The following ATRNL1 variants were observed in gnomAD, a reference collection of about 807,000 sequenced individuals.
The protein encoded by ATRNL1 is attractin-like protein 1.
Under a neutral mutation model 182.7 loss-of-function variants are expected in ATRNL1, and 95 were observed. That is an observed-to-expected ratio of 0.52 (90% confidence interval 0.44 to 0.62). ATRNL1 has a LOEUF of 0.62. Ranked by LOEUF, ATRNL1 falls within the 20% of genes least tolerant of loss-of-function variation. The pLI, the probability that ATRNL1 is intolerant of heterozygous loss-of-function variation, is 0.00. For missense variants in ATRNL1, 1,471 were observed against 1,679.5 expected (o/e 0.88, Z 2.17); for synonymous variants, 576 against 568.3 (o/e 1.01, Z -0.19).
intron 28 of ATRNL1, among the ~76,000 whole-genome samples, chr10:115,855,183 T>G (rs1455642021): frequency 6.6e-6 from 1 of 152,204 alleles, no homozygotes; most frequent in Non-Finnish European, 1.5e-5. Context: ...TCTTTGTGAT[T>G]GCTGCTAGGC....
At chr10:115,931,436 G>A (rs1162625442) in intron 28 of ATRNL1, among the ~76,000 whole-genome samples, 1 of 152,112 alleles carries the variant, frequency 6.6e-6, no homozygotes, top group Non-Finnish European at 1.5e-5. Flanking sequence ...GGGAACTCAT[G>A]TACCATTGGG....
chr10:115,691,093 T>A (rs1222099359), intron 26 of ATRNL1, among the ~76,000 whole-genome samples: 2 of 152,162 alleles, frequency 1.3e-5, no homozygotes, highest in South Asian at 4.1e-4. Context: ...GGTATGATTA[T>A]CTATTCATAA....
chr10:115,356,041 A>G (rs1261563213), intron 19 of ATRNL1, among the ~76,000 whole-genome samples: 1 of 152,142 alleles, frequency 6.6e-6, no homozygotes, highest in African/African-American at 2.4e-5. Context: ...GACGTGTTTA[A>G]TACTTTAATA....
chr10:115,483,740 G>A (rs562330177), intron 24 of ATRNL1, among the ~76,000 whole-genome samples: 36 of 151,726 alleles, frequency 2.4e-4, no homozygotes, highest in South Asian at 1.0e-3. Context: ...GTGATTAAAT[G>A]TGAGTGTTAT....
chr10:115,594,056 C>A (rs1856078377), intron 26 of ATRNL1, among the ~76,000 whole-genome samples: 1 of 151,938 alleles, frequency 6.6e-6, no homozygotes, highest in South Asian at 2.1e-4. Flanking sequence ...TTTATATCAG[C>A]TGTGACATAA....
intron 26 of ATRNL1, among the ~76,000 whole-genome samples, chr10:115,689,077 T>C (rs1300103386): frequency 1.3e-5 from 2 of 152,194 alleles, no homozygotes; most frequent in Non-Finnish European, 2.9e-5. Context: ...TAGTGTATGT[T>C]CTTGGTAGCT....
intron 28 of ATRNL1, among the ~76,000 whole-genome samples, chr10:115,870,088 A>G (rs1168294599): frequency 6.7e-6 from 1 of 148,848 alleles, no homozygotes; most frequent in Non-Finnish European, 1.5e-5. Context: ...TTCTGAAGCT[A>G]GTATGTATGA....
intron 27 of ATRNL1, among the ~76,000 whole-genome samples, chr10:115,770,109 G>T (rs1361291931): frequency 3.3e-5 from 5 of 151,364 alleles, no homozygotes; most frequent in African/African-American, 9.7e-5. Context: ...GAAAACCTGG[G>T]TCTAGGTTAT....
intron 26 of ATRNL1, among the ~76,000 whole-genome samples, chr10:115,605,542 TG>T (rs1290926944): frequency 6.6e-6 from 1 of 152,104 alleles, no homozygotes; most frequent in Admixed American, 6.6e-5. Flanking sequence ...TTTGACTTTA[TG>T]GTGGGTTTAT....
rs71010022 is a variant in ATRNL1 at position 115,407,985 on chromosome 10, C to CTTTTTTT, written c.3269+13256_3269+13262dup. ...CTCTTTGTGGTTTTGATTTGCATTTCTTTTTTTTTTTTTTTTTTTTTTTTT... is the reference window on the plus strand; with the variant it reads ...CTCTTTGTGGTTTTGATTTGCATTTCTTTTTTTTTTTTTTTTTTTTTTTTTTTTTTTT... On this transcript the variant is annotated intron_variant, in intron 20 of 28. Coordinates refer to ENST00000355044, the MANE Select transcript of ATRNL1 (RefSeq NM_207303.4). Among the ~76,000 whole-genome samples, 39 of 97,804 alleles carry CTTTTTTT rather than the reference C, an allele frequency of 4.0e-4. 4 individuals carry two copies. The highest frequency in any genetic ancestry group is 2.0e-3 in the East Asian group (6 of 3,068). 64.2% of individuals were successfully genotyped at this position (97,804 alleles called of 152,430 possible).
intron 15 of ATRNL1, among the ~76,000 whole-genome samples, chr10:115,294,972 G>T (rs1853104890): frequency 6.6e-6 from 1 of 152,204 alleles, no homozygotes; most frequent in Non-Finnish European, 1.5e-5. Flanking sequence ...AGTACACACA[G>T]TGGGTAGGGC....
chr10:115,862,593 G>T (rs1951341090), intron 28 of ATRNL1, among the ~76,000 whole-genome samples: 1 of 152,172 alleles, frequency 6.6e-6, no homozygotes, highest in Non-Finnish European at 1.5e-5. Flanking sequence ...GCAACCTAGT[G>T]CTGGGAAGAA....
intron 21 of ATRNL1, among the ~76,000 whole-genome samples, chr10:115,437,896 G>T (rs1336614766): frequency 6.6e-6 from 1 of 151,910 alleles, no homozygotes; most frequent in Non-Finnish European, 1.5e-5. Context: ...GCAGTCCTAT[G>T]ACATAGGCGG....
At chr10:115,719,709 C>T (rs2134040062) in intron 26 of ATRNL1, among the ~76,000 whole-genome samples, 1 of 151,880 alleles carries the variant, frequency 6.6e-6, no homozygotes, top group South Asian at 2.1e-4. Flanking sequence ...TGATCATCCC[C>T]CCGCCACCAA....
At chr10:115,587,366 C>A (rs1255147509) in intron 26 of ATRNL1, among the ~76,000 whole-genome samples, 1 of 151,804 alleles carries the variant, frequency 6.6e-6, no homozygotes, top group Non-Finnish European at 1.5e-5. Flanking sequence ...GCCTCGCTGC[C>A]GCCTTGCAGT....
intron 18 of ATRNL1, among the ~76,000 whole-genome samples, chr10:115,322,893 CTCTT>C: frequency 6.6e-6 from 1 of 151,950 alleles, no homozygotes. Context: ...ATGATTTTAT[CTCTT>C]TCTTCTTTCA....
intron 20 of ATRNL1, among the ~76,000 whole-genome samples, chr10:115,399,213 C>A (rs1482106035): frequency 6.6e-6 from 1 of 151,966 alleles, no homozygotes; most frequent in Non-Finnish European, 1.5e-5. Flanking sequence ...TGAGGCTGGC[C>A]TCATAGATTG....
At position 115,394,756 on chromosome 10, in the gene ATRNL1, A is replaced by C; in HGVS notation, c.3269+4A>C. On this transcript the variant is annotated splice_donor_region_variant and intron_variant, in intron 20 of 28. Coordinates refer to ENST00000355044, the MANE Select transcript of ATRNL1 (RefSeq NM_207303.4). ...TAAAAGGTGACCAATGCCAATTGTAAGTAAGAATGACTTTTTAGAACTTTC... is the reference window on the plus strand; with the variant it reads ...TAAAAGGTGACCAATGCCAATTGTACGTAAGAATGACTTTTTAGAACTTTC... 1.3e-6 allele frequency: 2 copies of C among 1,578,882 alleles called. No individual in the cohort carries two copies. Among genetic ancestry groups the C allele is most frequent in the Non-Finnish European group, 1.7e-6 (2 of 1,161,752 alleles).
rs569727535 is a variant in ATRNL1, at chr10:115,918,394, C to T, written c.4019-26264C>T. On this transcript the variant is annotated intron_variant, in intron 28 of 28. Coordinates refer to ENST00000355044, the MANE Select transcript of ATRNL1 (RefSeq NM_207303.4). Reference sequence around the variant, plus strand: ...CTAGGATTACAGGCATGAGCCACCGCGTCCGGCCTTTTTAGCGTCTTTTCT... The same window carrying T: ...CTAGGATTACAGGCATGAGCCACCGTGTCCGGCCTTTTTAGCGTCTTTTCT... Among the ~76,000 whole-genome samples, 40 of 152,232 alleles carry T rather than the reference C, an allele frequency of 2.6e-4. No individual in the cohort carries two copies. In the East Asian group the frequency reaches 5.8e-3, roughly 22 times the overall value.
Sources: allele counts gnomAD v4.1 joint callset (sites outside exome capture counted in the v4.1 genomes callset), GRCh38; gene constraint gnomAD v4.1.1; transcripts MANE v1.5; gene names NCBI Gene and HGNC (gene_info 2026-07-23, HGNC 2026-07-21).